Variants in LMF1 observed in about 807,000 individuals in gnomAD.
LMF1 encodes the protein lipase maturation factor 1, also known as transmembrane protein 112.
In LMF1, 68 loss-of-function variants were observed where a neutral mutation model predicts 60.6. The ratio of observed to expected loss-of-function variants is 1.12; its 90% confidence interval spans 0.92 to 1.37. The LOEUF (loss-of-function observed/expected upper bound fraction) is 1.37, where lower values mean the gene tolerates loss of function less well. Ranked by LOEUF, LMF1 falls within the 40% of genes most tolerant of loss-of-function variation. The pLI, the probability that LMF1 is intolerant of heterozygous loss-of-function variation, is 0.00. For synonymous variants in LMF1, 418 were observed against 324.7 expected (o/e 1.29, Z -3.09); for missense variants, 948 against 767.2 (o/e 1.24, Z -2.78).
chr16:895,473 C>T (rs1224168649), intron 4 of LMF1, among the ~76,000 whole-genome samples: 2 of 152,196 alleles, frequency 1.3e-5, no homozygotes, highest in South Asian at 2.1e-4. Context: ...GGCCCCTAGC[C>T]GGGGCCAGGC....
intron 2 of LMF1, 42 bp downstream of exon 2, chr16:954,315 C>T: frequency 6.3e-7 from 1 of 1,583,416 alleles, no homozygotes; most frequent in Non-Finnish European, 8.6e-7. Context: ...TGCTGAGTGA[C>T]AGCAAGCCCT....
rs897260834 is a variant in LMF1, at chr16:869,493, G to A, written c.1416+390C>T. On this transcript the variant is annotated intron_variant, in intron 9 of 10. Transcript: ENST00000262301. ...GTCCCCCAGACTGGAAGGCAACGCTGCCATCATTTGAGGCTGCAGCGGTTG... is the reference window on the plus strand; with the variant it reads ...GTCCCCCAGACTGGAAGGCAACGCTACCATCATTTGAGGCTGCAGCGGTTG... The A allele has an allele frequency of 1.3e-5, 7 of 547,422 alleles. No individual in the cohort carries two copies. The African/African-American group carries it at 1.3e-4, about 10-fold the overall frequency. 33.9% of individuals were successfully genotyped at this position (547,422 alleles called of 1,614,324 possible).
At chr16:938,026 C>A (rs1432979583) in intron 2 of LMF1, among the ~76,000 whole-genome samples, 2 of 146,498 alleles carry the variant, frequency 1.4e-5, no homozygotes, top group Non-Finnish European at 3.0e-5. Context: ...GATTTATTTA[C>A]AGAAGTTACC....
intron 4 of LMF1, among the ~76,000 whole-genome samples, chr16:895,455 C>T (rs117697713): frequency 3.3e-5 from 5 of 152,170 alleles, no homozygotes; most frequent in African/African-American, 9.7e-5. Flanking sequence ...GCCTTCGGGG[C>T]GGCCGTGGGC....
At chr16:880,689 A>C (rs2070136460) in intron 5 of LMF1, among the ~76,000 whole-genome samples, 1 of 152,204 alleles carries the variant, frequency 6.6e-6, no homozygotes, top group Non-Finnish European at 1.5e-5. Context: ...TCCATCAATC[A>C]AGTCAGAGTG....
chr16:954,140 G>A, intron 2 of LMF1: 6 of 680,750 alleles, frequency 8.8e-6, no homozygotes, highest in South Asian at 7.5e-5. Context: ...GTAAGGAAGA[G>A]CTACTGCAAA....
Position 890,038 on chromosome 16 carries a change from C to T in LMF1, c.729+2969G>A, listed in dbSNP as rs1044103111. Among the ~76,000 whole-genome samples the T allele has an allele frequency of 4.6e-5, 7 of 152,282 alleles. No homozygotes were observed. In the South Asian group the frequency reaches 1.2e-3, roughly 27 times the overall value. On this transcript the variant is annotated intron_variant, in intron 5 of 10. Transcript: ENST00000262301. ...AACCCCACCCCAGATGTGGTGTCCT[C>T]GCTCTCCCCACACACTGCCCCCTGT...
chr16:981,303 TGA>T (rs751174711), upstream of LMF1: 4,863 of 212,844 alleles, frequency 0.023, 26 homozygotes, highest in East Asian at 0.04. Context: ...TGTGTGTGTG[TGA>T]GAGAGAGAGA....
chr16:875,204 C>T (rs895399350), intron 6 of LMF1, among the ~76,000 whole-genome samples: 2 of 152,076 alleles, frequency 1.3e-5, no homozygotes, highest in Admixed American at 6.5e-5. Flanking sequence ...CAGTGAGGCC[C>T]AGCTCTGTCC....
At chr16:859,176 G>GC (rs1463683519) in intron 10 of LMF1, among the ~76,000 whole-genome samples, 55 of 118,694 alleles carry the variant, frequency 4.6e-4, no homozygotes, top group African/African-American at 1.2e-3. Flanking sequence ...GGACGGGTGT[G>GC]AGTGGTGTCT....
At chr16:884,961 C>T (rs1353214422) in intron 5 of LMF1, 1 of 152,158 alleles carries the variant, frequency 6.6e-6, no homozygotes, top group Non-Finnish European at 1.5e-5. Flanking sequence ...AGAATGATCA[C>T]AGATGGAAAA....
At chr16:974,720 G>C (rs977744968), upstream of LMF1, among the ~76,000 whole-genome samples, 2 of 152,208 alleles carry the variant, frequency 1.3e-5, no homozygotes, top group Non-Finnish European at 2.9e-5. Flanking sequence ...GCCGGCTTCA[G>C]GGAGGAATGA....
At chr16:958,473 T>C (rs2072752897) in intron 1 of LMF1, among the ~76,000 whole-genome samples, 1 of 152,202 alleles carries the variant, frequency 6.6e-6, no homozygotes, top group African/African-American at 2.4e-5. Flanking sequence ...TAGGAAGGTG[T>C]ACGGATGGCA....
chr16:947,484 T>C (rs2072265701), intron 2 of LMF1: 1 of 455,924 alleles, frequency 2.2e-6, no homozygotes. Flanking sequence ...GCTGGCGGCC[T>C]CCCAGCGTCC....
intron 2 of LMF1, among the ~76,000 whole-genome samples, chr16:939,418 A>G (rs1194144707): frequency 6.6e-6 from 1 of 152,238 alleles, no homozygotes; most frequent in East Asian, 1.9e-4. Flanking sequence ...ACTTCCAGCA[A>G]TAAAAACCAG....
At chr16:968,459 C>T (rs1441093097) in intron 1 of LMF1, 1 of 152,164 alleles carries the variant, frequency 6.6e-6, no homozygotes, top group African/African-American at 2.4e-5. Flanking sequence ...ATTTGGAGAG[C>T]CCCTATGGCA....
intron 5 of LMF1, among the ~76,000 whole-genome samples, chr16:880,136 G>A (rs777160975): frequency 9.9e-5 from 15 of 152,192 alleles, no homozygotes; most frequent in Non-Finnish European, 1.8e-4. Context: ...GGGTCCACAG[G>A]CGGCCCCTCA....
At chr16:860,764 TA>T (rs112436467) in intron 10 of LMF1, among the ~76,000 whole-genome samples, 1 of 151,950 alleles carries the variant, frequency 6.6e-6, no homozygotes, top group East Asian at 1.9e-4. Flanking sequence ...TGCGCTTTTG[TA>T]AAAAAAACTC....
chr16:922,748 C>T (rs7500155), intron 3 of LMF1, among the ~76,000 whole-genome samples: 10,983 of 60,356 alleles, frequency 0.18, 1,100 homozygotes, highest in African/African-American at 0.36. Flanking sequence ...GTGGTGTTGG[C>T]GTCGTGTTGT....
Sources: gnomAD v4.1 joint callset for allele counts (sites outside exome capture counted in the v4.1 genomes callset) on GRCh38, gnomAD v4.1.1 for gene constraint, MANE v1.5 for transcripts, NCBI Gene and HGNC (gene_info 2026-07-23, HGNC 2026-07-21) for gene names.